KCNAB1: variants seen among roughly 807,000 people sequenced by gnomAD.
KCNAB1 encodes voltage-gated potassium channel subunit beta-1.
Under a neutral mutation model 64.6 loss-of-function variants are expected in KCNAB1, and 35 were observed. That is an observed-to-expected ratio of 0.54 (90% CI 0.41 to 0.72). KCNAB1 has a LOEUF of 0.72. KCNAB1 is among the 30% of genes least tolerant of loss of function. KCNAB1 has a pLI of 0.00. For synonymous variants in KCNAB1, 177 were observed against 183.8 expected (o/e 0.96, Z 0.30); for missense variants, 401 against 512.9 (o/e 0.78, Z 2.11).
chr3:156,507,841 A>G (rs1716928156), intron 8 of KCNAB1, among the ~76,000 whole-genome samples: 1 of 152,068 alleles, frequency 6.6e-6, no homozygotes. Flanking sequence ...AAAAAATCTG[A>G]TATCAGCTGG....
intron 1 of KCNAB1, among the ~76,000 whole-genome samples, chr3:156,342,028 A>C (rs1724150818): frequency 6.6e-6 from 1 of 152,124 alleles, no homozygotes. Context: ...AGCTTCTCCT[A>C]CCTCCTACAC....
intron 1 of KCNAB1, among the ~76,000 whole-genome samples, chr3:156,182,294 T>C (rs1712865565): frequency 6.6e-6 from 1 of 152,218 alleles, no homozygotes; most frequent in Non-Finnish European, 1.5e-5. Context: ...TATGCAGATA[T>C]TGAATCAGAA....
At chr3:156,260,036 T>A (rs1206816715) in intron 1 of KCNAB1, among the ~76,000 whole-genome samples, 5 of 152,196 alleles carry the variant, frequency 3.3e-5, no homozygotes, top group Non-Finnish European at 7.3e-5. Flanking sequence ...ATACTCAGAC[T>A]TTTCTCAAGA....
At chr3:156,243,680 A>G (rs766995709) in intron 1 of KCNAB1, among the ~76,000 whole-genome samples, 1 of 152,232 alleles carries the variant, frequency 6.6e-6, no homozygotes, top group African/African-American at 2.4e-5. Flanking sequence ...TTATCACCTT[A>G]GCACTACTAC....
chr3:156,267,874 T>G (rs1253810432), intron 1 of KCNAB1, among the ~76,000 whole-genome samples: 4 of 152,162 alleles, frequency 2.6e-5, no homozygotes, highest in African/African-American at 9.7e-5. Context: ...CATTTATATT[T>G]TGTGTTACAA....
intron 1 of KCNAB1, among the ~76,000 whole-genome samples, chr3:156,191,624 C>G (rs1188827950): frequency 1.3e-5 from 2 of 152,186 alleles, no homozygotes; most frequent in African/African-American, 4.8e-5. Context: ...CGGGTTCTTA[C>G]AGCTATTGTG....
At chr3:156,328,296 G>A (rs948863036) in intron 1 of KCNAB1, among the ~76,000 whole-genome samples, 4 of 152,168 alleles carry the variant, frequency 2.6e-5, no homozygotes, top group African/African-American at 9.7e-5. Context: ...GCCGTGATGA[G>A]CTGTGAAATG....
intron 8 of KCNAB1, among the ~76,000 whole-genome samples, chr3:156,496,609 C>T (rs180750688): frequency 6.6e-5 from 10 of 152,248 alleles, no homozygotes; most frequent in Admixed American, 2.0e-4. Flanking sequence ...TGGTATAGAA[C>T]GTTTGCATAC....
intron 1 of KCNAB1, among the ~76,000 whole-genome samples, chr3:156,255,660 T>G (rs995847520): frequency 6.6e-6 from 1 of 152,208 alleles, no homozygotes; most frequent in African/African-American, 2.4e-5. Context: ...GAAATGTCCT[T>G]GTTTTATCTG....
intron 2 of KCNAB1, among the ~76,000 whole-genome samples, chr3:156,444,257 A>G (rs944559978): frequency 6.6e-6 from 1 of 152,210 alleles, no homozygotes; most frequent in African/African-American, 2.4e-5. Flanking sequence ...TGCTCAGAGC[A>G]TTGTTTTGCC....
chr3:156,408,789 A>AT (rs1553742776), intron 1 of KCNAB1, among the ~76,000 whole-genome samples: 1 of 152,132 alleles, frequency 6.6e-6, no homozygotes, highest in African/African-American at 2.4e-5. Context: ...CCATAAAAAA[A>AT]AAAATAAAAT....
At chr3:156,382,408 G>C (rs1211100419) in intron 1 of KCNAB1, among the ~76,000 whole-genome samples, 5 of 152,138 alleles carry the variant, frequency 3.3e-5, no homozygotes, top group African/African-American at 1.2e-4. Flanking sequence ...CTTGAACCCA[G>C]GAGGTGGAGG....
chr3:156,309,902 A>C (rs560695380), intron 1 of KCNAB1, among the ~76,000 whole-genome samples: 1 of 152,334 alleles, frequency 6.6e-6, no homozygotes, highest in South Asian at 2.1e-4. Context: ...TCTAGGAACT[A>C]AAGAGAAAGC....
At chr3:156,230,996 T>A (rs886169240) in intron 1 of KCNAB1, among the ~76,000 whole-genome samples, 15 of 152,188 alleles carry the variant, frequency 9.9e-5, no homozygotes, top group Non-Finnish European at 1.5e-4. Flanking sequence ...CTTAGATGGA[T>A]CTGTTTGTAA....
chr3:156,123,740 G>A (rs1713483902), intron 1 of KCNAB1, among the ~76,000 whole-genome samples: 1 of 152,202 alleles, frequency 6.6e-6, no homozygotes, highest in South Asian at 2.1e-4. Flanking sequence ...GGATGGGGCA[G>A]GGGCCAGAGT....
chr3:156,279,555 A>G (rs1349611126), intron 1 of KCNAB1, among the ~76,000 whole-genome samples: 1 of 151,796 alleles, frequency 6.6e-6, no homozygotes, highest in Non-Finnish European at 1.5e-5. Context: ...GACTTCCACA[A>G]TGGTTGAACT....
At chr3:156,228,494 C>T (rs13077031) in intron 1 of KCNAB1, among the ~76,000 whole-genome samples, 17,179 of 152,214 alleles carry the variant, frequency 0.11, 1,223 homozygotes, top group Non-Finnish European at 0.16. Context: ...TCAGCCTTCA[C>T]ACAGCGTCTG....
intron 1 of KCNAB1, among the ~76,000 whole-genome samples, chr3:156,321,706 A>G (rs192840316): frequency 6.6e-6 from 1 of 152,348 alleles, no homozygotes; most frequent in Admixed American, 6.5e-5. Context: ...TCAGCTTGCA[A>G]ATAAACTTTT....
At chr3:156,284,114 T>G (rs1719924633) in intron 1 of KCNAB1, among the ~76,000 whole-genome samples, 1 of 152,196 alleles carries the variant, frequency 6.6e-6, no homozygotes, top group African/African-American at 2.4e-5. Flanking sequence ...ACTTTTGGTC[T>G]TTGATGATGG....
Sources: allele counts gnomAD v4.1 joint callset (sites outside exome capture counted in the v4.1 genomes callset), GRCh38; gene constraint gnomAD v4.1.1; transcripts MANE v1.5; gene names NCBI Gene and HGNC (gene_info 2026-07-23, HGNC 2026-07-21).